The following NXPE2 variants were observed in gnomAD, a reference collection of about 807,000 sequenced individuals.
NXPE2 encodes NXPE family member 2.
In NXPE2, 34 loss-of-function variants were observed where a neutral mutation model predicts 34.4. The observed-to-expected ratio is 0.99, with a 90% confidence interval of 0.75 to 1.31. The LOEUF is 1.31. NXPE2 is among the 40% of genes most tolerant of loss of function. The probability of loss-of-function intolerance (pLI) is 0.00; values close to 1 mark genes in which losing one functional copy is unlikely to be tolerated. For missense variants in NXPE2, 649 were observed against 672.5 expected (o/e 0.97, Z 0.39); for synonymous variants, 235 against 231.3 (o/e 1.02, Z -0.15).
the NXPE2 span, among the ~76,000 whole-genome samples, chr11:114,604,198 A>G: frequency 1.3e-5 from 2 of 152,204 alleles, no homozygotes; most frequent in Admixed American, 1.3e-4. Context: ...GGTGGATAAT[A>G]AGTATTGCCT....
the NXPE2 span, chr11:114,581,860 A>C: frequency 1.0e-6 from 1 of 957,556 alleles, no homozygotes; most frequent in South Asian, 1.4e-5. Context: ...TAGATTATCC[A>C]GTGCCTCAGT....
At chr11:114,799,040 AAAATGTGGCTTAT>A in the NXPE2 span, among the ~76,000 whole-genome samples, 1 of 152,230 alleles carries the variant, frequency 6.6e-6, no homozygotes, top group Admixed American at 6.5e-5. Context: ...CTCAGCAGTG[AAAATGTGGCTTAT>A]GAAAGCAAGT....
the NXPE2 span, among the ~76,000 whole-genome samples, chr11:114,638,678 TAACA>T: frequency 3.3e-5 from 5 of 152,130 alleles, no homozygotes; most frequent in African/African-American, 1.2e-4. Flanking sequence ...GTTTTCTTTC[TAACA>T]GACAGGACCG....
intron 2 of NXPE2, among the ~76,000 whole-genome samples, chr11:114,682,478 G>T (rs187603247): frequency 1.3e-5 from 2 of 152,224 alleles, no homozygotes; most frequent in East Asian, 3.9e-4. Context: ...CTTCTACCAG[G>T]CCTGAAGATG....
the NXPE2 span, chr11:114,531,052 G>A: frequency 1.2e-6 from 1 of 832,078 alleles, no homozygotes; most frequent in Non-Finnish European, 1.7e-6. Flanking sequence ...GTAATAAAGT[G>A]GCATAATAAA....
the NXPE2 span, among the ~76,000 whole-genome samples, chr11:114,626,700 T>G: frequency 0.014 from 2,075 of 152,162 alleles, 35 homozygotes; most frequent in African/African-American, 0.047. Flanking sequence ...GAGAGAAGGC[T>G]TCAGACAATC....
chr11:114,575,831 A>G, the NXPE2 span, among the ~76,000 whole-genome samples: 26 of 152,338 alleles, frequency 1.7e-4, no homozygotes, highest in African/African-American at 5.5e-4. Flanking sequence ...ATCATTCTTC[A>G]CAGAACTAGA....
the NXPE2 span, among the ~76,000 whole-genome samples, chr11:114,741,919 G>A: frequency 6.6e-6 from 1 of 152,176 alleles, no homozygotes; most frequent in Non-Finnish European, 1.5e-5. Context: ...TTTTGCAGAA[G>A]CAGTCACCTC....
intron 2 of NXPE2, among the ~76,000 whole-genome samples, chr11:114,685,473 A>G (rs1951029398): frequency 1.3e-5 from 2 of 152,174 alleles, no homozygotes; most frequent in Admixed American, 1.3e-4. Flanking sequence ...CCCATGATCT[A>G]ATCACCTCCC....
chr11:114,494,448 C>T, the NXPE2 span, among the ~76,000 whole-genome samples: 1 of 152,198 alleles, frequency 6.6e-6, no homozygotes, highest in Admixed American at 6.5e-5. Flanking sequence ...TTCAAACTCA[C>T]TAATTCTTTC....
the NXPE2 span, among the ~76,000 whole-genome samples, chr11:114,634,259 T>C: frequency 6.6e-6 from 1 of 152,182 alleles, no homozygotes; most frequent in East Asian, 1.9e-4. Context: ...CATAAATGTC[T>C]TCTTTTGAGA....
At chr11:114,616,229 C>A in the NXPE2 span, among the ~76,000 whole-genome samples, 6 of 151,290 alleles carry the variant, frequency 4.0e-5, no homozygotes, top group Admixed American at 1.3e-4. Flanking sequence ...ATAAGTATTG[C>A]CTCACTGGTA....
At chr11:114,705,111 C>G (rs931805344) in intron 4 of NXPE2, among the ~76,000 whole-genome samples, 7 of 152,048 alleles carry the variant, frequency 4.6e-5, no homozygotes, top group African/African-American at 1.2e-4. Context: ...CAGAAACTTA[C>G]CTGGGGGAAA....
chr11:114,795,693 ATGGTGCC>A, the NXPE2 span, among the ~76,000 whole-genome samples: 3 of 152,182 alleles, frequency 2.0e-5, no homozygotes, highest in South Asian at 2.1e-4. Flanking sequence ...TCCAGTTAGG[ATGGTGCC>A]CTTGCTGGCA....
the NXPE2 span, among the ~76,000 whole-genome samples, chr11:114,576,989 ATAC>A: frequency 1.2e-3 from 145 of 116,544 alleles, 2 homozygotes; most frequent in African/African-American, 5.0e-3. Context: ...ATATATATAT[ATAC>A]ATATATATAT....
the NXPE2 span, among the ~76,000 whole-genome samples, chr11:114,602,255 TTATA>T: frequency 4.2e-5 from 5 of 117,956 alleles, no homozygotes; most frequent in Non-Finnish European, 6.4e-5. Context: ...ACAATATATG[TTATA>T]TATAATATAT....
Position 114,705,971 on chromosome 11 carries a change from T to A in NXPE2, c.1119T>A (p.Ile373=), listed in dbSNP as rs772563620. Residue 373 remains isoleucine (I), a synonymous_variant, in exon 5 of 6, where the codon ATT becomes ATA. Coordinates refer to ENST00000389586, the MANE Select transcript of NXPE2 (RefSeq NM_182495.6). ...GAGATTCAACACTGCATCAGTGGATTTACTACTTACAAAAAGCTGTGAAAA... is the reference window on the plus strand; with the variant it reads ...GAGATTCAACACTGCATCAGTGGATATACTACTTACAAAAAGCTGTGAAAA... ...LMGDSTLHQW[I]YYLQKAVKTL... 2.1e-6 allele frequency: 3 copies of A among 1,431,408 alleles called. No homozygotes were observed. The highest frequency in any genetic ancestry group is 1.8e-4 in the Middle Eastern group (1 of 5,558). The allele number at this position is 1,431,408 out of a possible 1,614,324, so 88.7% of individuals were successfully genotyped here.
the NXPE2 span, among the ~76,000 whole-genome samples, chr11:114,636,046 G>A: frequency 6.6e-6 from 1 of 151,894 alleles, no homozygotes; most frequent in Non-Finnish European, 1.5e-5. Context: ...AACGGTACCA[G>A]TTCCTCCTTG....
At chr11:114,601,176 T>C in the NXPE2 span, among the ~76,000 whole-genome samples, 661 of 151,804 alleles carry the variant, frequency 4.4e-3, 3 homozygotes, top group African/African-American at 0.015. Context: ...TCTGGAGTTT[T>C]AGTGTACCTG....
Sources: gnomAD v4.1 joint callset for allele counts (sites outside exome capture counted in the v4.1 genomes callset) on GRCh38, gnomAD v4.1.1 for gene constraint, MANE v1.5 for transcripts, NCBI Gene and HGNC (gene_info 2026-07-23, HGNC 2026-07-21) for gene names.